Variants in DLGAP1 observed in about 807,000 individuals in gnomAD.
DLGAP1 encodes the protein disks large-associated protein 1.
Under a neutral mutation model 90.8 loss-of-function variants are expected in DLGAP1, and 11 were observed. The observed-to-expected ratio is 0.12, with a 90% CI of 0.08 to 0.20. The LOEUF (loss-of-function observed/expected upper bound fraction) is 0.20, where lower values mean the gene tolerates loss of function less well. Among genes scored for constraint, DLGAP1 ranks in the 10% least tolerant of loss-of-function variants. The probability of loss-of-function intolerance (pLI) is 1.00; values close to 1 mark genes in which losing one functional copy is unlikely to be tolerated. For missense variants in DLGAP1, 1,050 were observed against 1,333.8 expected, an observed-to-expected ratio of 0.79 and a Z score of 3.31; for synonymous variants, 558 against 540.7, an observed-to-expected ratio of 1.03 and a Z score of -0.44.
At chr18:4,136,078 C>G (rs2076396247) in intron 2 of DLGAP1, among the ~76,000 whole-genome samples, 2 of 151,726 alleles carry the variant, frequency 1.3e-5, no homozygotes, top group African/African-American at 4.8e-5. Context: ...GAAGTGTTCT[C>G]ATTGTTCAAT....
At chr18:3,883,589 G>T (rs935341454) in intron 3 of DLGAP1, among the ~76,000 whole-genome samples, 2 of 152,218 alleles carry the variant, frequency 1.3e-5, no homozygotes, top group African/African-American at 4.8e-5. Context: ...TGGATAGTGG[G>T]AATTAAGTTA....
chr18:3,791,515 CGTGTGTGTGTGTGTGTGCACGCATGT>C lies in DLGAP1; in HGVS notation c.1172+22518_1172+22543del, dbSNP rs2065731954. Among the ~76,000 whole-genome samples the C allele has an allele frequency of 2.0e-5, 3 of 150,372 alleles. No homozygotes were observed. In the South Asian group the frequency reaches 6.3e-4, roughly 32 times the overall value. On this transcript the variant is annotated intron_variant, in intron 5 of 12. Transcript: ENST00000315677. ...TGAAGGAAGGTGATGTGCACATGTG[CGTGTGTGTGTGTGTGTGCACGCATGT>C]GTGTGTGTGTTAGACAGGGAAAGAG...
intron 1 of DLGAP1, among the ~76,000 whole-genome samples, chr18:4,281,704 A>G (rs1291538314): frequency 6.6e-6 from 1 of 152,306 alleles, no homozygotes; most frequent in East Asian, 1.9e-4. Flanking sequence ...GTCAAAAAAT[A>G]TTCAGGCTTT....
intron 1 of DLGAP1, among the ~76,000 whole-genome samples, chr18:4,324,919 G>A (rs555359160): frequency 6.6e-6 from 1 of 152,084 alleles, no homozygotes; most frequent in Non-Finnish European, 1.5e-5. Flanking sequence ...ATACTGAATG[G>A]GCAAAAGCTG....
intron 1 of DLGAP1, among the ~76,000 whole-genome samples, chr18:4,386,101 G>C (rs2082224811): frequency 6.6e-6 from 1 of 152,112 alleles, no homozygotes; most frequent in South Asian, 2.1e-4. Flanking sequence ...TTTGTGACAA[G>C]GGATTGCTGG....
chr18:3,861,650 T>G (rs748200803), intron 4 of DLGAP1, among the ~76,000 whole-genome samples: 1 of 152,198 alleles, frequency 6.6e-6, no homozygotes, highest in African/African-American at 2.4e-5. Context: ...GCCCCCACCC[T>G]GCCCTCTACC....
chr18:3,938,300 C>G (rs1438452714), intron 3 of DLGAP1, among the ~76,000 whole-genome samples: 1 of 152,126 alleles, frequency 6.6e-6, no homozygotes, highest in Non-Finnish European at 1.5e-5. Flanking sequence ...AGAGATTTGA[C>G]TGCAGATGAA....
At chr18:4,036,350 ATTAAAAC>A (rs2074888987) in intron 2 of DLGAP1, among the ~76,000 whole-genome samples, 1 of 152,230 alleles carries the variant, frequency 6.6e-6, no homozygotes, top group Non-Finnish European at 1.5e-5. Flanking sequence ...AGAGCATTTA[ATTAAAAC>A]TCTTACATTT....
intron 1 of DLGAP1, among the ~76,000 whole-genome samples, chr18:4,355,992 T>C (rs12606878): frequency 0.28 from 42,310 of 151,288 alleles, 6,385 homozygotes; most frequent in African/African-American, 0.39. Flanking sequence ...CCCAGGAAAC[T>C]GCCCTTGTCA....
intron 8 of DLGAP1, among the ~76,000 whole-genome samples, chr18:3,575,680 T>C (rs1488534264): frequency 6.6e-6 from 1 of 152,148 alleles, no homozygotes; most frequent in East Asian, 1.9e-4. Flanking sequence ...ACTCACTTTG[T>C]AATTATAAGA....
At chr18:3,855,303 T>G (rs1297135474) in intron 4 of DLGAP1, among the ~76,000 whole-genome samples, 1 of 151,988 alleles carries the variant, frequency 6.6e-6, no homozygotes, top group Non-Finnish European at 1.5e-5. Context: ...GGGAGGAAGG[T>G]GAAGATCAAA....
At chr18:3,961,108 A>C (rs1041175251) in intron 3 of DLGAP1, among the ~76,000 whole-genome samples, 1 of 152,150 alleles carries the variant, frequency 6.6e-6, no homozygotes, top group Non-Finnish European at 1.5e-5. Flanking sequence ...AGCAGGCCAC[A>C]GAGGCCAAGC....
At chr18:4,339,422 C>T (rs149494681) in intron 1 of DLGAP1, among the ~76,000 whole-genome samples, 1 of 152,252 alleles carries the variant, frequency 6.6e-6, no homozygotes, top group Admixed American at 6.5e-5. Context: ...AACCACCATG[C>T]ACATGTTTTC....
chr18:3,740,953 TCAC>T (rs1329986957), intron 6 of DLGAP1, among the ~76,000 whole-genome samples: 12 of 96,170 alleles, frequency 1.2e-4, no homozygotes, highest in East Asian at 3.4e-4. Context: ...GCCACCACTG[TCAC>T]CACCACCACC....
At chr18:3,586,448 T>C (rs929989351) in intron 7 of DLGAP1, among the ~76,000 whole-genome samples, 3 of 152,092 alleles carry the variant, frequency 2.0e-5, no homozygotes, top group Non-Finnish European at 2.9e-5. Context: ...CACTGTCCAG[T>C]CATGGGCTAG....
chr18:4,143,255 C>A (rs1033183051), intron 2 of DLGAP1, among the ~76,000 whole-genome samples: 1 of 152,040 alleles, frequency 6.6e-6, no homozygotes, highest in Non-Finnish European at 1.5e-5. Flanking sequence ...AATCCAGGAG[C>A]CAGGGCCTGG....
At chr18:4,307,057 A>G (rs1031013785) in intron 1 of DLGAP1, among the ~76,000 whole-genome samples, 7 of 152,208 alleles carry the variant, frequency 4.6e-5, no homozygotes, top group Admixed American at 2.0e-4. Context: ...TAATAAATAA[A>G]TCACCCAAAT....
intron 5 of DLGAP1, among the ~76,000 whole-genome samples, chr18:3,801,907 A>G (rs1459049172): frequency 6.6e-6 from 1 of 152,186 alleles, no homozygotes; most frequent in African/African-American, 2.4e-5. Flanking sequence ...CATCTAAATA[A>G]GAAAAAAAAT....
Position 3,601,017 on chromosome 18 carries a change from T to TAG in DLGAP1, c.1592-18770_1592-18769insCT, listed in dbSNP as rs1568280343. Among the ~76,000 whole-genome samples the TAG allele has an allele frequency of 5.2e-4, 74 of 142,564 alleles. 1 individual carries two copies. Among genetic ancestry groups the TAG allele is most frequent in the South Asian group, 1.5e-3 (7 of 4,636 alleles). 93.5% of individuals were successfully genotyped at this position (142,564 alleles called of 152,430 possible). A position where few individuals can be genotyped will look rare whatever the true frequency, so the allele number is the denominator to read the frequency against. ...ATAGATATATAGATATAGATAGATA[T>TAG]ATAGATATATAGATATAGAGATAAA... On this transcript the variant is annotated intron_variant, in intron 7 of 12. Transcript: ENST00000315677.
Sources: allele counts gnomAD v4.1 joint callset (sites outside exome capture counted in the v4.1 genomes callset), GRCh38; gene constraint gnomAD v4.1.1; transcripts MANE v1.5; gene names NCBI Gene and HGNC (gene_info 2026-07-23, HGNC 2026-07-21).